Variants in SLC16A7 observed in about 807,000 individuals in gnomAD.
SLC16A7 encodes monocarboxylate transporter 2.
SLC16A7 carries 33 observed loss-of-function variants against 34.9 expected under a neutral mutation model. That is an observed-to-expected ratio of 0.94 (90% CI 0.72 to 1.26). SLC16A7 has a LOEUF of 1.26. Ranked by LOEUF, SLC16A7 falls within the 50% of genes most tolerant of loss-of-function variation. The pLI is 0.00. For missense variants in SLC16A7, 573 were observed against 578.1 expected, an observed-to-expected ratio of 0.99 and a Z score of 0.09; for synonymous variants, 201 against 206.6, an observed-to-expected ratio of 0.97 and a Z score of 0.23.
chr12:59,771,312 C>T lies in SLC16A7; in HGVS notation c.311C>T (p.Ser104Phe). 1 of 1,612,632 alleles carries T rather than the reference C, an allele frequency of 6.2e-7. No individual in the cohort carries two copies. ...TGCTGTCTTGGAATGGTGTTGGCCT[C>T]CTTTAGTAGCAGCGTGGTACAGCTG... Reference protein sequence around the residue: ...LLCCLGMVLASFSSSVVQLYL... With the variant: ...LLCCLGMVLAFFSSSVVQLYL... The change falls in exon 4 of 6, where the codon TCC becomes TTC. Residue 104 changes from serine (S) to phenylalanine (F), a missense_variant. Physicochemically the swap from Ser to Phe is radical, Grantham distance 155. Coordinates refer to ENST00000547379, the MANE Select transcript of SLC16A7 (RefSeq NM_001270623.2).
chr12:59,689,758 C>T (rs1350935232), intron 2 of SLC16A7, among the ~76,000 whole-genome samples: 3 of 151,976 alleles, frequency 2.0e-5, no homozygotes, highest in African/African-American at 4.8e-5. Flanking sequence ...AGAACCAAAA[C>T]ACCAGAGAAT....
chr12:59,748,789 A>G (rs1307709470), intron 3 of SLC16A7, among the ~76,000 whole-genome samples: 1 of 152,206 alleles, frequency 6.6e-6, no homozygotes, highest in Non-Finnish European at 1.5e-5. Flanking sequence ...GCTTTTATGT[A>G]GGTTCGGGAT....
chr12:59,704,199 C>CAAAAAAAAAAAAAAAAAAAAAAAAAAAA (rs34021022), intron 2 of SLC16A7, among the ~76,000 whole-genome samples: 4 of 51,616 alleles, frequency 7.7e-5, no homozygotes, highest in South Asian at 8.2e-4. Context: ...GACTCTGTCT[C>CAAAAAAAAAAAAAAAAAAAAAAAAAAAA]AAAAAAAAAA....
intron 1 of SLC16A7, among the ~76,000 whole-genome samples, chr12:59,632,807 G>A (rs920059151): frequency 6.6e-6 from 1 of 151,922 alleles, no homozygotes; most frequent in African/African-American, 2.4e-5. Flanking sequence ...GGCCTTTTTT[G>A]TATTCAAAGT....
At chr12:59,604,881 C>G (rs1271586785) in intron 1 of SLC16A7, among the ~76,000 whole-genome samples, 3 of 152,214 alleles carry the variant, frequency 2.0e-5, no homozygotes, top group African/African-American at 7.2e-5. Context: ...GAGTCTCACT[C>G]TGTCACCCAG....
chr12:59,767,513 T>C (rs1348402356), intron 3 of SLC16A7, among the ~76,000 whole-genome samples: 1 of 152,104 alleles, frequency 6.6e-6, no homozygotes, highest in Non-Finnish European at 1.5e-5. Context: ...TCATTTACTA[T>C]TCTGCAAAAT....
intron 2 of SLC16A7, among the ~76,000 whole-genome samples, chr12:59,682,768 T>TGTC (rs1352585007): frequency 3.3e-5 from 5 of 152,138 alleles, no homozygotes; most frequent in Admixed American, 3.3e-4. Context: ...AGTTCTATAT[T>TGTC]GTCTAAGTAA....
At chr12:59,702,025 G>A (rs968756802) in intron 2 of SLC16A7, among the ~76,000 whole-genome samples, 1 of 151,906 alleles carries the variant, frequency 6.6e-6, no homozygotes, top group African/African-American at 2.4e-5. Flanking sequence ...ATACAACAAA[G>A]AGTAGTTTAC....
chr12:59,692,603 A>G (rs183326334), intron 2 of SLC16A7, among the ~76,000 whole-genome samples: 189 of 152,116 alleles, frequency 1.2e-3, no homozygotes, highest in African/African-American at 4.1e-3. Context: ...TGTACTTCCA[A>G]TTCTTCATAG....
chr12:59,687,782 G>T (rs1395905265), intron 2 of SLC16A7, among the ~76,000 whole-genome samples: 1 of 152,072 alleles, frequency 6.6e-6, no homozygotes. Context: ...AGCAAGGACT[G>T]CTATAAAGGC....
intron 2 of SLC16A7, among the ~76,000 whole-genome samples, chr12:59,674,289 A>G (rs920032402): frequency 6.6e-6 from 1 of 152,200 alleles, no homozygotes. Context: ...TATATACTCC[A>G]TGAAGGCATA....
intron 2 of SLC16A7, among the ~76,000 whole-genome samples, chr12:59,671,793 A>G (rs927229749): frequency 2.1e-5 from 3 of 141,690 alleles, no homozygotes; most frequent in Non-Finnish European, 3.0e-5. Context: ...GTGTATATGT[A>G]TATATGTATA....
chr12:59,677,644 T>A (rs1349679698), intron 2 of SLC16A7, among the ~76,000 whole-genome samples: 1 of 152,242 alleles, frequency 6.6e-6, no homozygotes, highest in Non-Finnish European at 1.5e-5. Context: ...TCTAGATTAC[T>A]TGCAGTAGAA....
Position 59,710,605 on chromosome 12 carries a change from T to C in SLC16A7, c.217+5587T>C, listed in dbSNP as rs368894195. 1.3e-3 allele frequency among the ~76,000 whole-genome samples: 192 copies of C among 152,330 alleles called. 4 individuals carry two copies. The South Asian group carries it at 0.02, about 16-fold the overall frequency. On this transcript the variant is annotated intron_variant, in intron 3 of 5. Transcript: ENST00000547379. Reference sequence around the variant, plus strand: ...TCTAAGAACCTTTATTGAAATCTTTTCTGACTGATATATGTGCCTCAGACA... The same window carrying C: ...TCTAAGAACCTTTATTGAAATCTTTCCTGACTGATATATGTGCCTCAGACA...
intron 4 of SLC16A7, 34 bp downstream of exon 4, chr12:59,771,396 C>A (rs763556408): frequency 6.9e-7 from 1 of 1,442,560 alleles, no homozygotes; most frequent in Non-Finnish European, 9.3e-7. Flanking sequence ...ATTCTTAACT[C>A]TTCTGTTATT....
chr12:59,765,014 G>A (rs578250447), intron 3 of SLC16A7, among the ~76,000 whole-genome samples: 9 of 152,268 alleles, frequency 5.9e-5, no homozygotes, highest in African/African-American at 2.2e-4. Context: ...GACTTTTAAT[G>A]ATAGCCATTC....
At position 59,775,305 on chromosome 12, in the gene SLC16A7, A is replaced by G; in HGVS notation, c.1010A>G (p.Tyr337Cys). 6.2e-7 allele frequency: 1 copy of G among 1,614,180 alleles called. No individual in the cohort carries two copies. Among genetic ancestry groups the G allele is most frequent in the Non-Finnish European group, 8.5e-7 (1 of 1,180,018 alleles). ...CHLLCPLAQDYTSLVLYAVFF... is the reference protein window; with the variant it reads ...CHLLCPLAQDCTSLVLYAVFF... Reference sequence around the variant, plus strand: ...CTCTTGTGCCCACTGGCACAGGACTACACAAGCCTGGTATTATATGCTGTA... The same window carrying G: ...CTCTTGTGCCCACTGGCACAGGACTGCACAAGCCTGGTATTATATGCTGTA... The change falls in exon 5 of 6, where the codon TAC becomes TGC. Residue 337 changes from tyrosine (Y) to cysteine (C), a missense_variant. By Grantham distance (194) the Tyr-to-Cys change is radical. Transcript: ENST00000547379.
chr12:59,753,168 C>G (rs1025644915), intron 3 of SLC16A7, among the ~76,000 whole-genome samples: 1 of 152,134 alleles, frequency 6.6e-6, no homozygotes, highest in East Asian at 1.9e-4. Context: ...ATTGTAAAGT[C>G]CATCGAGGCT....
At position 59,688,578 on chromosome 12, in the gene SLC16A7, G is replaced by T. The variant is rs115958930; in HGVS notation, c.-30-16194G>T. Among the ~76,000 whole-genome samples, 802 of 152,084 alleles carry T rather than the reference G, an allele frequency of 5.3e-3. 7 individuals carry two copies. Among genetic ancestry groups the T allele is most frequent in the African/African-American group, 0.015 (616 of 41,506 alleles). On this transcript the variant is annotated intron_variant, in intron 2 of 5. Coordinates refer to ENST00000547379, the MANE Select transcript of SLC16A7 (RefSeq NM_001270623.2). ...ATACTTACCTGTACCATAACAGGTG[G>T]CAGCAATGTTTTATATATATGCAAT...
Sources: gnomAD v4.1 joint callset for allele counts (sites outside exome capture counted in the v4.1 genomes callset) on GRCh38, gnomAD v4.1.1 for gene constraint, MANE v1.5 for transcripts, NCBI Gene and HGNC (gene_info 2026-07-23, HGNC 2026-07-21) for gene names.